The following RANBP3 variants were observed in gnomAD, a reference collection of about 807,000 sequenced individuals.
The protein encoded by RANBP3 is RAN binding protein 3.
In RANBP3, 14 loss-of-function variants were observed where a neutral mutation model predicts 77.3. That is an observed-to-expected ratio of 0.18 (90% CI 0.12 to 0.28). RANBP3 has a LOEUF of 0.28. Ranked by LOEUF, RANBP3 falls within the 10% of genes least tolerant of loss-of-function variation. The probability of loss-of-function intolerance (pLI) is 1.00; values close to 1 mark genes in which losing one functional copy is unlikely to be tolerated. For synonymous variants in RANBP3, 315 were observed against 312.4 expected (o/e 1.01, Z -0.09); for missense variants, 586 against 752.3 (o/e 0.78, Z 2.59).
chr19:5,921,465 T>C lies in RANBP3; in HGVS notation c.1210-144A>G. 3.2e-6 allele frequency: 3 copies of C among 928,402 alleles called. No individual in the cohort carries two copies. Among genetic ancestry groups the C allele is most frequent in the South Asian group, 1.6e-5 (1 of 61,010 alleles). 57.5% of individuals were successfully genotyped at this position (928,402 alleles called of 1,614,324 possible). A position where few individuals can be genotyped will look rare whatever the true frequency, so the allele number is the denominator to read the frequency against. ...GGCCACCTTGGTCAGTTTTTTGTCC[T>C]GCCCTCAAGCTAGAACAGGCTTTAC... On this transcript the variant is annotated intron_variant, in intron 13 of 16. Transcript: ENST00000340578. This position sits in a 1 kb window ranked among gnomAD's most constrained non-coding sequence, Gnocchi z 5.3.
chr19:5,925,668 C>A lies in RANBP3; in HGVS notation c.883G>T (p.Ala295Ser), dbSNP rs1374463629. 1 of 1,613,918 alleles carries A rather than the reference C, an allele frequency of 6.2e-7. No individual in the cohort carries two copies. The highest frequency in any genetic ancestry group is 8.5e-7 in the Non-Finnish European group (1 of 1,179,958). ...ATATACTGGAGGAAATAGTTCGTTG[C>A]GGTTGGCGTGTCTGCGCTGGGGTGT... is the stretch of plus-strand genomic sequence containing the variant. ...AGHPSADTPT[A>S]TNYFLQYISS... The change falls in exon 10 of 17, where the codon GCA (alanine) becomes TCA (serine). Residue 295 changes from alanine (A) to serine (S), a missense_variant. By Grantham distance (99) the Ala-to-Ser change is moderately conservative. This residue lies in a region of RANBP3 where 232 missense variants were observed against 271.7 expected (regional missense o/e 0.85). Transcript: ENST00000340578.
At chr19:5,962,095 G>A (rs2058410877) in intron 1 of RANBP3, among the ~76,000 whole-genome samples, 1 of 152,126 alleles carries the variant, frequency 6.6e-6, no homozygotes, top group South Asian at 2.1e-4. Context: ...CACGGCCACA[G>A]CAGCTGAAAC....
At chr19:5,948,521 G>A (rs551904597) in intron 3 of RANBP3, among the ~76,000 whole-genome samples, 1 of 152,188 alleles carries the variant, frequency 6.6e-6, no homozygotes, top group South Asian at 2.1e-4. Flanking sequence ...GGGCCTCAGT[G>A]AGTCTGGCAA....
intron 2 of RANBP3, among the ~76,000 whole-genome samples, chr19:5,957,403 G>A (rs150308913): frequency 1.5e-3 from 221 of 152,208 alleles, no homozygotes; most frequent in African/African-American, 5.0e-3. Flanking sequence ...TCATGGACAC[G>A]GGATAAATAT....
intron 3 of RANBP3, among the ~76,000 whole-genome samples, chr19:5,942,308 G>A (rs1229835461): frequency 5.3e-5 from 8 of 152,128 alleles, no homozygotes; most frequent in African/African-American, 1.9e-4. Flanking sequence ...TTGTCTCAGG[G>A]TCGGCTGTTA....
chr19:5,944,473 G>A (rs909179958), intron 3 of RANBP3, among the ~76,000 whole-genome samples: 4 of 152,216 alleles, frequency 2.6e-5, no homozygotes, highest in African/African-American at 9.6e-5. Context: ...GCCCACCCGG[G>A]CAGCCAAAAC....
At chr19:5,966,475 C>G (rs1039502032) in intron 1 of RANBP3, among the ~76,000 whole-genome samples, 1 of 152,192 alleles carries the variant, frequency 6.6e-6, no homozygotes, top group African/African-American at 2.4e-5. Context: ...GAATGCTTTG[C>G]GTAATATATT....
rs199881849 is a variant in RANBP3, at chr19:5,931,451, C to G, written c.646G>C (p.Ala216Pro). Reference sequence around the variant, plus strand: ...GCAGCTTCGGAAGGACTTCTCCATGCAGCAGTGTCAGGGGATGCTGCGGGC... The same window carrying G: ...GCAGCTTCGGAAGGACTTCTCCATGGAGCAGTGTCAGGGGATGCTGCGGGC... Reference protein sequence around the residue: ...AVPAASPDTAAWRSPSEAADE... With the variant: ...AVPAASPDTAPWRSPSEAADE... Residue 216 changes from alanine (A) to proline (P), a missense_variant, in exon 8 of 17, where the codon GCA becomes CCA. Ala to Pro is a conservative substitution (Grantham distance 27). Transcript: ENST00000340578. 5 of 1,612,892 alleles carry G rather than the reference C, an allele frequency of 3.1e-6. No homozygotes were observed. The Admixed American group carries it at 8.3e-5, about 27-fold the overall frequency.
At chr19:5,934,786 G>A (rs1217884263) in intron 5 of RANBP3, among the ~76,000 whole-genome samples, 1 of 152,186 alleles carries the variant, frequency 6.6e-6, no homozygotes, top group Admixed American at 6.5e-5. Flanking sequence ...GTTGAGTTAC[G>A]ACTGTACCAC....
intron 3 of RANBP3, among the ~76,000 whole-genome samples, chr19:5,947,235 AC>A (rs1271602970): frequency 6.7e-6 from 1 of 150,186 alleles, no homozygotes; most frequent in Non-Finnish European, 1.5e-5. Context: ...AATCGCTTGA[AC>A]CCAGGAGGTG....
At chr19:5,971,438 G>A (rs1229409615) in intron 1 of RANBP3, among the ~76,000 whole-genome samples, 2 of 152,062 alleles carry the variant, frequency 1.3e-5, no homozygotes, top group Non-Finnish European at 2.9e-5. Flanking sequence ...AGCTGGGACT[G>A]CAGGTGTTTG....
At position 5,925,167 on chromosome 19, in the gene RANBP3, G is replaced by C. The variant is rs544991184; in HGVS notation, c.918-262C>G. 31 of 530,894 alleles carry C rather than the reference G, an allele frequency of 5.8e-5. No homozygotes were observed. The East Asian group carries it at 1.0e-3, about 17-fold the overall frequency. The allele number at this position is 530,894 out of a possible 1,614,324, so 32.9% of individuals were successfully genotyped here. On this transcript the variant is annotated intron_variant, in intron 10 of 16. Coordinates refer to ENST00000340578, the MANE Select transcript of RANBP3 (RefSeq NM_007322.3). ...ACCTGCTCTACCCGCCCATCTCCCA[G>C]TCGGGACACGCTTTCTTCTGAGACA...
chr19:5,920,430 C>G lies in RANBP3; in HGVS notation c.1330+771G>C, dbSNP rs577265689. Among the ~76,000 whole-genome samples, 20 of 152,274 alleles carry G rather than the reference C, an allele frequency of 1.3e-4. No homozygotes were observed. In the East Asian group the frequency reaches 2.3e-3, roughly 18 times the overall value. On this transcript the variant is annotated intron_variant, in intron 14 of 16. Coordinates refer to ENST00000340578, the MANE Select transcript of RANBP3 (RefSeq NM_007322.3). ...CCCACATTTCAAATGTGCACACACACAGGCTGATTTCCTTAAGTGGGTGTG... is the reference window on the plus strand; with the variant it reads ...CCCACATTTCAAATGTGCACACACAGAGGCTGATTTCCTTAAGTGGGTGTG...
intron 8 of RANBP3, among the ~76,000 whole-genome samples, chr19:5,928,921 G>A (rs769013339): frequency 1.3e-5 from 2 of 152,238 alleles, no homozygotes; most frequent in Non-Finnish European, 2.9e-5. Flanking sequence ...GCTTTTGGCA[G>A]ATCTTTGGAG....
In RANBP3 at chr19:5,921,382, C is replaced by T; in HGVS notation, c.1210-61G>A. 3.8e-6 allele frequency: 6 copies of T among 1,598,028 alleles called. No homozygotes were observed. The highest frequency in any genetic ancestry group is 4.3e-6 in the Non-Finnish European group (5 of 1,171,120). ...AGCTGGTGTCCTGCTGCAGCCACAC[C>T]CTGAGAGTCGCCCTTTAGCCTGTGG... On this transcript the variant is annotated intron_variant, in intron 13 of 16. Coordinates refer to ENST00000340578, the MANE Select transcript of RANBP3 (RefSeq NM_007322.3). The surrounding 1 kb of genome is among the most constrained non-coding windows in gnomAD (Gnocchi z 5.3).
intron 1 of RANBP3, among the ~76,000 whole-genome samples, chr19:5,975,223 A>G (rs1166307843): frequency 6.6e-6 from 1 of 152,234 alleles, no homozygotes; most frequent in East Asian, 1.9e-4. Context: ...TATGAGGCAC[A>G]AAGTCCACCA....
rs1262053157 is a variant in RANBP3 at position 5,961,617 on chromosome 19, C to G, written c.23-3644G>C. Reference sequence around the variant, plus strand: ...GGCGTGGTGGCGCAACCTGTAAGCCCAGCTACTCAAGAGGCTGAGGCAGGA... The same window carrying G: ...GGCGTGGTGGCGCAACCTGTAAGCCGAGCTACTCAAGAGGCTGAGGCAGGA... On this transcript the variant is annotated intron_variant, in intron 1 of 16. Coordinates refer to ENST00000340578, the MANE Select transcript of RANBP3 (RefSeq NM_007322.3). Among the ~76,000 whole-genome samples the G allele has an allele frequency of 1.3e-5, 2 of 152,090 alleles. 1 individual carries two copies. The highest frequency in any genetic ancestry group is 1.3e-4 in the Admixed American group (2 of 15,274).
At chr19:5,931,697 C>T (rs1341251414) in intron 7 of RANBP3, among the ~76,000 whole-genome samples, 166 bp from the exon 8 acceptor site, 3 of 152,034 alleles carry the variant, frequency 2.0e-5, no homozygotes, top group African/African-American at 7.3e-5. Context: ...CTACAAAGAG[C>T]CAAAATTCTT....
At chr19:5,971,842 C>T (rs1270344454) in intron 1 of RANBP3, among the ~76,000 whole-genome samples, 4 of 152,204 alleles carry the variant, frequency 2.6e-5, no homozygotes, top group Admixed American at 6.5e-5. Context: ...ACCAAGGTCA[C>T]AGGCACTGGA....
Sources: gnomAD v4.1 joint callset for allele counts (sites outside exome capture counted in the v4.1 genomes callset) on GRCh38, gnomAD v4.1.1 for gene constraint, gnomAD v4.1.1 regional missense constraint, Gnocchi (gnomAD v3.1) non-coding constraint, MANE v1.5 for transcripts, NCBI Gene and HGNC (gene_info 2026-07-23, HGNC 2026-07-21) for gene names.